Variants in RHOBTB2 observed in about 807,000 individuals in gnomAD.
RHOBTB2 encodes rho-related BTB domain-containing protein 2.
A neutral mutation model predicts 66.5 loss-of-function variants in RHOBTB2; 39 were observed. The observed-to-expected ratio is 0.59, with a 90% CI of 0.45 to 0.77. The LOEUF is 0.77. Ranked by LOEUF, RHOBTB2 falls within the 30% of genes least tolerant of loss-of-function variation. The pLI, the probability that RHOBTB2 is intolerant of heterozygous loss-of-function variation, is 0.00. For missense variants in RHOBTB2, 755 were observed against 999.1 expected (o/e 0.76, Z 3.29); for synonymous variants, 390 against 395.0 (o/e 0.99, Z 0.15).
chr8:23,018,365 A>T lies in RHOBTB2; in HGVS notation c.*896A>T, dbSNP rs1811357814. 1 of 152,720 alleles carries T rather than the reference A, an allele frequency of 6.5e-6. No individual in the cohort carries two copies. The highest frequency in any genetic ancestry group is 6.5e-5 in the Admixed American group (1 of 15,276). 9.5% of individuals were successfully genotyped at this position (152,720 alleles called of 1,614,324 possible). The stretch of plus-strand genomic sequence containing the variant: ...TTAGCAAAAAACAAAAACCAATGAC[A>T]ACCAAACTGAAACCGAAACGAAAAA... On this transcript the variant is annotated 3_prime_UTR_variant, in exon 10 of 10. Coordinates refer to ENST00000251822, the MANE Select transcript of RHOBTB2 (RefSeq NM_015178.3).
chr8:22,993,564 T>C (rs559981789), intron 2 of RHOBTB2, among the ~76,000 whole-genome samples: 1 of 152,302 alleles, frequency 6.6e-6, no homozygotes, highest in South Asian at 2.1e-4. Flanking sequence ...TAAGGGACAA[T>C]GTGATCTCCC....
At chr8:22,974,602 C>T in the RHOBTB2 span, among the ~76,000 whole-genome samples, 40,235 of 152,070 alleles carry the variant, frequency 0.26, 5,791 homozygotes, top group East Asian at 0.51. Flanking sequence ...GGAGAGATTT[C>T]GGTTCCCTGA....
chr8:22,992,826 C>G (rs759111502), intron 2 of RHOBTB2, among the ~76,000 whole-genome samples: 10 of 152,248 alleles, frequency 6.6e-5, no homozygotes, highest in Non-Finnish European at 1.3e-4. Flanking sequence ...TCATGGAGGC[C>G]TTGGCCAGCT....
chr8:23,015,527 G>T (rs1811265260), intron 8 of RHOBTB2, 111 bp from the exon 9 acceptor site: 1 of 685,072 alleles, frequency 1.5e-6, no homozygotes, highest in Non-Finnish European at 2.5e-6. Context: ...GAACTGCAGG[G>T]CCTCTGCGTG....
intron 2 of RHOBTB2, chr8:22,994,491 G>T: frequency 1.1e-6 from 1 of 903,158 alleles, no homozygotes; most frequent in Non-Finnish European, 1.8e-6. Flanking sequence ...GTAATTCGCG[G>T]TGTGCTCATT....
the RHOBTB2 span, among the ~76,000 whole-genome samples, chr8:22,968,926 G>T: frequency 6.6e-6 from 1 of 151,806 alleles, no homozygotes. Flanking sequence ...ACAAAAAATG[G>T]ATCTTTTACA....
chr8:23,009,166 A>G (rs201589305), intron 6 of RHOBTB2, among the ~76,000 whole-genome samples: 1 of 13,668 alleles, frequency 7.3e-5, no homozygotes. Flanking sequence ...GAAAAAAAGA[A>G]AAAAAGAGAG....
chr8:22,955,022 T>G, the RHOBTB2 span, among the ~76,000 whole-genome samples: 3 of 152,222 alleles, frequency 2.0e-5, no homozygotes, highest in Admixed American at 2.0e-4. Flanking sequence ...TCCCAGCTAC[T>G]TGGGGGGCTG....
intron 1 of RHOBTB2, among the ~76,000 whole-genome samples, chr8:23,000,566 C>T (rs1316808156): frequency 6.6e-6 from 1 of 152,044 alleles, no homozygotes; most frequent in South Asian, 2.1e-4. Flanking sequence ...AGATCTTTGG[C>T]GGTGTTTGGT....
At chr8:23,002,322 C>G (rs1455419863) in intron 1 of RHOBTB2, among the ~76,000 whole-genome samples, 1 of 152,218 alleles carries the variant, frequency 6.6e-6, no homozygotes, top group Non-Finnish European at 1.5e-5. Context: ...CAGGAACTGT[C>G]AAAGTGGGGT....
the RHOBTB2 span, among the ~76,000 whole-genome samples, chr8:22,969,785 C>T: frequency 6.6e-6 from 1 of 152,198 alleles, no homozygotes; most frequent in Non-Finnish European, 1.5e-5. Context: ...CAGGGTCTCA[C>T]TCGTCATCTA....
At position 22,999,857 on chromosome 8, in the gene RHOBTB2, A is replaced by G; in HGVS notation, c.-259A>G. 1 of 984,662 alleles carries G rather than the reference A, an allele frequency of 1.0e-6. No homozygotes were observed. Among genetic ancestry groups the G allele is most frequent in the Non-Finnish European group, 1.2e-6 (1 of 829,812 alleles). 61.0% of individuals were successfully genotyped at this position (984,662 alleles called of 1,614,324 possible). On this transcript the variant is annotated 5_prime_UTR_variant, in exon 1 of 10. Transcript: ENST00000251822. ...GGCGCGCGGGGCGATGCTGATCCGG[A>G]AGGGGCAGCGGCTGCAGTGCAGCGC...
the RHOBTB2 span, among the ~76,000 whole-genome samples, chr8:22,958,802 G>GAAAA: frequency 0.081 from 4,191 of 52,012 alleles, 769 homozygotes; most frequent in Middle Eastern, 0.18. Context: ...GCCCCTCTCT[G>GAAAA]AAAAAAAAAA....
chr8:23,016,757 C>A (rs1411027005), intron 9 of RHOBTB2, among the ~76,000 whole-genome samples: 1 of 152,174 alleles, frequency 6.6e-6, no homozygotes, highest in Non-Finnish European at 1.5e-5. Context: ...TCACTCCCTG[C>A]TTCCAGACCT....
the RHOBTB2 span, among the ~76,000 whole-genome samples, chr8:22,952,072 A>C: frequency 6.6e-6 from 1 of 152,100 alleles, no homozygotes; most frequent in South Asian, 2.1e-4. Flanking sequence ...CCTTCCCTTC[A>C]CCAGGCATTC....
At chr8:22,968,001 A>G in the RHOBTB2 span, among the ~76,000 whole-genome samples, 10 of 151,992 alleles carry the variant, frequency 6.6e-5, no homozygotes, top group East Asian at 9.6e-4. Context: ...TACAAAAATC[A>G]CAAAAAACAG....
At chr8:23,000,278 G>A (rs75037076) in intron 1 of RHOBTB2, among the ~76,000 whole-genome samples, 173 bp downstream of exon 1, 77 of 152,332 alleles carry the variant, frequency 5.1e-4, no homozygotes, top group Middle Eastern at 6.8e-3. Context: ...ATCCTTTCCG[G>A]TGTTTCTAGG....
At chr8:23,016,426 T>G (rs1410394592) in intron 9 of RHOBTB2, among the ~76,000 whole-genome samples, 1 of 151,886 alleles carries the variant, frequency 6.6e-6, no homozygotes, top group Admixed American at 6.5e-5. Context: ...ATTTATTTAT[T>G]TTTTTGAGAC....
chr8:22,963,304 T>C, the RHOBTB2 span, among the ~76,000 whole-genome samples: 1 of 152,218 alleles, frequency 6.6e-6, no homozygotes, highest in Admixed American at 6.5e-5. Context: ...GTAAGTTTTC[T>C]CTCATCAGCA....
Sources: gnomAD v4.1 joint callset for allele counts (sites outside exome capture counted in the v4.1 genomes callset) on GRCh38, gnomAD v4.1.1 for gene constraint, MANE v1.5 for transcripts, NCBI Gene and HGNC (gene_info 2026-07-23, HGNC 2026-07-21) for gene names.